The following THOC2 variants were observed in gnomAD, a reference collection of about 807,000 sequenced individuals.
THOC2 encodes THO complex subunit 2.
THOC2 carries 10 observed loss-of-function variants against 128.4 expected under a neutral mutation model. That is an observed-to-expected ratio of 0.08 (90% CI 0.05 to 0.13). The LOEUF (loss-of-function observed/expected upper bound fraction) is 0.13, where lower values mean the gene tolerates loss of function less well. Among genes scored for constraint, THOC2 ranks in the 10% least tolerant of loss-of-function variants. The probability of loss-of-function intolerance (pLI) is 1.00; values close to 1 mark genes in which losing one functional copy is unlikely to be tolerated. For missense variants in THOC2, 535 were observed against 1,155.7 expected (o/e 0.46, Z 7.79); for synonymous variants, 393 against 396.9 (o/e 0.99, Z 0.12).
chrX:123,624,491 T>A (rs2047189447), intron 26 of THOC2, 50 bp downstream of exon 26: 1 of 1,129,128 alleles, frequency 8.9e-7, no homozygotes, highest in Non-Finnish European at 1.2e-6. Flanking sequence ...TATTAATGGA[T>A]GTGGTCATTA....
At chrX:123,708,936 A>T (rs1037736437) in intron 2 of THOC2, among the ~76,000 whole-genome samples, 30 of 111,400 alleles carry the variant, frequency 2.7e-4, no homozygotes, top group African/African-American at 8.8e-4. Context: ...TGGTAGAGAC[A>T]GGGTTTCACC....
rs1395000461 is a variant in THOC2 at position 123,728,056 on chromosome X, G to A, written c.71+4896C>T. Among the ~76,000 whole-genome samples, 4 of 111,915 alleles carry A rather than the reference G, an allele frequency of 3.6e-5. No homozygotes were observed. In the Admixed American group the frequency reaches 3.8e-4, roughly 11 times the overall value. ...ATGTGGCTTTCATATATAGAAGGCT[G>A]ATGTTCATTTACGCTTCACTTAATT... On this transcript the variant is annotated intron_variant, in intron 1 of 38. Coordinates refer to ENST00000245838, the MANE Select transcript of THOC2 (RefSeq NM_001081550.2).
rs1227937510 is a variant in THOC2, at chrX:123,667,204, A to T, written c.1092T>A (p.Ile364=). ...KIGDWQHAQN[I]MDQMPPYYAA... is the part of the protein sequence containing the mutation. ...CATAGTATGGAGGCATCTGATCCAT[A>T]ATGTTCTGTGCATGTTGCCAATCAC... The change falls in exon 11 of 39, where the codon ATT becomes ATA. Residue 364 remains isoleucine, a synonymous_variant. Coordinates refer to ENST00000245838, the MANE Select transcript of THOC2 (RefSeq NM_001081550.2). The T allele has an allele frequency of 8.3e-7, 1 of 1,209,091 alleles. No individual in the cohort carries two copies.
intron 12 of THOC2, among the ~76,000 whole-genome samples, chrX:123,648,396 G>A (rs764161781): frequency 8.9e-6 from 1 of 111,985 alleles, no homozygotes; most frequent in South Asian, 3.7e-4. Flanking sequence ...GGCAGACACT[G>A]AGCTAGCTGC....
chrX:123,651,776 A>C (rs1229628399), intron 12 of THOC2, among the ~76,000 whole-genome samples: 1 of 107,536 alleles, frequency 9.3e-6, no homozygotes, highest in Non-Finnish European at 1.9e-5. Context: ...GAATAGACCA[A>C]TAACAAGTTC....
chrX:123,615,190 C>T, intron 33 of THOC2, among the ~76,000 whole-genome samples: 1 of 111,517 alleles, frequency 9.0e-6, no homozygotes, highest in Non-Finnish European at 1.9e-5. Context: ...ATGCTAGATA[C>T]ACCTTAGGAA....
intron 38 of THOC2, among the ~76,000 whole-genome samples, chrX:123,606,162 C>T (rs1046021217): frequency 3.7e-5 from 4 of 108,456 alleles, no homozygotes; most frequent in Non-Finnish European, 5.7e-5. Context: ...ATTTTGCTGG[C>T]GGTGGTGGCT....
chrX:123,710,165 C>T (rs1047400602), intron 2 of THOC2, among the ~76,000 whole-genome samples: 4 of 111,679 alleles, frequency 3.6e-5, no homozygotes, highest in African/African-American at 1.3e-4. Context: ...AGAGATCAGC[C>T]AAGGAGTATA....
At chrX:123,701,760 G>A (rs1433249511) in intron 4 of THOC2, among the ~76,000 whole-genome samples, 1 of 109,937 alleles carries the variant, frequency 9.1e-6, no homozygotes, top group Non-Finnish European at 1.9e-5. Context: ...TTTTTGGTTG[G>A]CTTACATCAA....
chrX:123,656,020 A>C (rs374957618), intron 12 of THOC2, among the ~76,000 whole-genome samples: 1 of 102,461 alleles, frequency 9.8e-6, no homozygotes, highest in Non-Finnish European at 2.1e-5. Context: ...CTGTCTGGGG[A>C]AAAAAAAAAG....
chrX:123,608,767 A>G lies in THOC2; in HGVS notation c.*18+2151T>C, dbSNP rs966320964. ...CTCAAAAGAAAAGAAACTATCAACC[A>G]GAGTCTCACAAAATTAAGAGTCTAC... On this transcript the variant is annotated intron_variant, in intron 38 of 38. Coordinates refer to ENST00000245838, the MANE Select transcript of THOC2 (RefSeq NM_001081550.2). Among the ~76,000 whole-genome samples the G allele has an allele frequency of 2.7e-5, 3 of 112,340 alleles. No individual in the cohort carries two copies. The Admixed American group carries it at 2.8e-4, about 11-fold the overall frequency.
In THOC2 at chrX:123,727,666, G is replaced by A. The variant is rs186220223; in HGVS notation, c.71+5286C>T. 4.5e-5 allele frequency among the ~76,000 whole-genome samples: 5 copies of A among 112,089 alleles called. No individual in the cohort carries two copies. The East Asian group carries it at 1.4e-3, about 31-fold the overall frequency. On this transcript the variant is annotated intron_variant, in intron 1 of 38. Coordinates refer to ENST00000245838, the MANE Select transcript of THOC2 (RefSeq NM_001081550.2). ...TCGCTATGTCGCCCAGAGCTCTCCTGGGCTCAGGCAATCCTTCCTCCTGCC... is the reference window on the plus strand; with the variant it reads ...TCGCTATGTCGCCCAGAGCTCTCCTAGGCTCAGGCAATCCTTCCTCCTGCC...
At chrX:123,669,715 AAT>A (rs2049189857) in intron 9 of THOC2, among the ~76,000 whole-genome samples, 1 of 111,880 alleles carries the variant, frequency 8.9e-6, no homozygotes, top group Non-Finnish European at 1.9e-5. Context: ...GTATTTTGAG[AAT>A]ATGTCATTAG....
At chrX:123,617,256 C>T (rs1386140117) in intron 33 of THOC2, among the ~76,000 whole-genome samples, 2 of 111,392 alleles carry the variant, frequency 1.8e-5, no homozygotes, top group Non-Finnish European at 3.8e-5. Context: ...TACTGCCAGG[C>T]ACCATGCTAA....
At chrX:123,612,736 G>A (rs1264717800) in intron 36 of THOC2, among the ~76,000 whole-genome samples, 1 of 111,438 alleles carries the variant, frequency 9.0e-6, no homozygotes, top group African/African-American at 3.2e-5. Context: ...TTAAAGCATA[G>A]AATTAAAATG....
At chrX:123,628,298 G>A (rs1390059301) in intron 22 of THOC2, among the ~76,000 whole-genome samples, 2 of 111,328 alleles carry the variant, frequency 1.8e-5, no homozygotes, top group Non-Finnish European at 1.9e-5. Flanking sequence ...TGCTGTATCA[G>A]GGATTGAACA....
intron 19 of THOC2, among the ~76,000 whole-genome samples, chrX:123,634,661 A>G (rs1355516287): frequency 8.9e-6 from 1 of 111,786 alleles, no homozygotes; most frequent in Non-Finnish European, 1.9e-5. Context: ...CCAATACAGG[A>G]TGGCCAAAAT....
intron 4 of THOC2, among the ~76,000 whole-genome samples, chrX:123,700,997 G>A (rs761482299): frequency 5.4e-5 from 6 of 110,938 alleles, no homozygotes; most frequent in Non-Finnish European, 7.5e-5. Context: ...GGGTAGGTGA[G>A]TGAGGGAGCA....
intron 7 of THOC2, among the ~76,000 whole-genome samples, chrX:123,690,277 G>A (rs1037012441): frequency 9.0e-6 from 1 of 111,684 alleles, no homozygotes; most frequent in Non-Finnish European, 1.9e-5. Flanking sequence ...TTCAGGGGTA[G>A]TGGGAGGAAT....
Sources: gnomAD v4.1 joint callset for allele counts (sites outside exome capture counted in the v4.1 genomes callset) on GRCh38, gnomAD v4.1.1 for gene constraint, MANE v1.5 for transcripts, NCBI Gene and HGNC (gene_info 2026-07-23, HGNC 2026-07-21) for gene names.